The following USP34 variants were observed in gnomAD, a reference collection of about 807,000 sequenced individuals.
USP34 encodes the protein ubiquitin carboxyl-terminal hydrolase 34.
In USP34, 70 loss-of-function variants were observed where a neutral mutation model predicts 460.3. The ratio of observed to expected loss-of-function variants is 0.15; its 90% CI spans 0.13 to 0.19. The LOEUF is 0.19. Ranked by LOEUF, USP34 falls within the 10% of genes least tolerant of loss-of-function variation. The pLI is 1.00. For synonymous variants in USP34, 1,647 were observed against 1,405.3 expected, an observed-to-expected ratio of 1.17 and a Z score of -3.85; for missense variants, 3,985 against 4,236.2, an observed-to-expected ratio of 0.94 and a Z score of 1.65.
chr2:61,273,087 C>CA (rs1689264120), intron 41 of USP34, among the ~76,000 whole-genome samples: 2 of 152,212 alleles, frequency 1.3e-5, no homozygotes, highest in South Asian at 4.1e-4. Flanking sequence ...AGTTAAAAAA[C>CA]ATAAGCAATG....
At chr2:61,257,876 A>T (rs965272983) in intron 44 of USP34, among the ~76,000 whole-genome samples, 3 of 152,208 alleles carry the variant, frequency 2.0e-5, no homozygotes, top group Non-Finnish European at 4.4e-5. Flanking sequence ...CATCTCCAAA[A>T]AAATCAAAAC....
At position 61,188,431 on chromosome 2, in the gene USP34, G is replaced by T. The variant is rs1248463095; in HGVS notation, c.10312C>A (p.Gln3438Lys). Residue 3438 changes from glutamine (Q) to lysine (K), a missense_variant, in exon 80 of 80, where the codon CAG becomes AAG. Around this residue, in one of 14 missense-constraint regions of USP34, gnomAD observed 506 missense variants for 439.0 expected, o/e 1.15. Transcript: ENST00000398571. ...TCGTCATATCTACCATTGTTGGACT[G>T]TTCTTCTGCATGCTGTGACCTGATA... ...SNIRSQHAEEQSNNGRYDDCK... is the reference protein window; with the variant it reads ...SNIRSQHAEEKSNNGRYDDCK... 1 of 1,614,054 alleles carries T rather than the reference G, an allele frequency of 6.2e-7. No individual in the cohort carries two copies. Among genetic ancestry groups the T allele is most frequent in the Non-Finnish European group, 8.5e-7 (1 of 1,180,040 alleles).
intron 1 of USP34, among the ~76,000 whole-genome samples, chr2:61,434,662 T>G (rs1694764284): frequency 6.6e-6 from 1 of 151,970 alleles, no homozygotes; most frequent in South Asian, 2.1e-4. Flanking sequence ...ATGAAGAAAC[T>G]ACATTACTGT....
intron 10 of USP34, among the ~76,000 whole-genome samples, chr2:61,365,441 A>G (rs2103823317): frequency 6.6e-6 from 1 of 152,270 alleles, no homozygotes; most frequent in South Asian, 2.1e-4. Context: ...ACATGAGAGA[A>G]AAACCTTGCC....
Position 61,360,741 on chromosome 2 carries a change from C to T in USP34, c.1251+9580G>A, listed in dbSNP as rs796270014. On this transcript the variant is annotated intron_variant, in intron 10 of 79. Coordinates refer to ENST00000398571, the MANE Select transcript of USP34 (RefSeq NM_014709.4). ...GCACCATCTTGGCTCATTGCAGCCT[C>T]GACGTCCTGGGCTCAAGCAATCCTC... 2.0e-4 allele frequency among the ~76,000 whole-genome samples: 31 copies of T among 152,278 alleles called. 1 individual carries two copies. Among genetic ancestry groups the T allele is most frequent in the African/African-American group, 7.2e-4 (30 of 41,552 alleles).
At chr2:61,213,711 C>CT (rs1687330016) in intron 68 of USP34, among the ~76,000 whole-genome samples, 2 of 152,172 alleles carry the variant, frequency 1.3e-5, no homozygotes, top group African/African-American at 4.8e-5. Flanking sequence ...TGCTAAGTAT[C>CT]TGATTTTTAA....
intron 10 of USP34, among the ~76,000 whole-genome samples, chr2:61,364,763 T>C (rs1692379729): frequency 6.6e-6 from 1 of 151,852 alleles, no homozygotes; most frequent in Non-Finnish European, 1.5e-5. Context: ...ACCTCGTCAC[T>C]ATTAAAAATA....
intron 21 of USP34, among the ~76,000 whole-genome samples, chr2:61,321,313 A>G (rs1012460890): frequency 2.0e-5 from 3 of 152,166 alleles, no homozygotes; most frequent in African/African-American, 7.2e-5. Flanking sequence ...TCTACTAAAA[A>G]TACAAAAATT....
intron 66 of USP34, 144 bp from the exon 67 acceptor site, chr2:61,220,601 C>G: frequency 1.3e-6 from 1 of 777,050 alleles, no homozygotes; most frequent in Non-Finnish European, 1.8e-6. Flanking sequence ...CTATTTTTTT[C>G]CCATTTTTAA....
chr2:61,449,637 G>A (rs771614321), intron 1 of USP34, among the ~76,000 whole-genome samples: 5 of 151,892 alleles, frequency 3.3e-5, no homozygotes, highest in Admixed American at 6.6e-5. Flanking sequence ...CAATGAAACA[G>A]AATACAGAGT....
At chr2:61,294,472 G>A (rs1411299879) in intron 32 of USP34, among the ~76,000 whole-genome samples, 2 of 152,102 alleles carry the variant, frequency 1.3e-5, no homozygotes, top group Non-Finnish European at 2.9e-5. Context: ...AGGCTGGAGT[G>A]CTGTGGTGCG....
chr2:61,452,928 C>T (rs1482037751), intron 1 of USP34, among the ~76,000 whole-genome samples: 1 of 129,166 alleles, frequency 7.7e-6, no homozygotes, highest in Admixed American at 7.8e-5. Context: ...AAAAAAAAAA[C>T]ACCCACAACT....
In USP34 at chr2:61,313,109, T is replaced by A. The variant is rs779212837; in HGVS notation, c.3543-1199A>T. 3.9e-5 allele frequency among the ~76,000 whole-genome samples: 6 copies of A among 152,312 alleles called. No individual in the cohort carries two copies. The South Asian group carries it at 1.2e-3, about 32-fold the overall frequency. ...TTAAACTACTGCTTAGTTTTGTGAC[T>A]CTTCAATTTTATCCATATCCTAGTT... On this transcript the variant is annotated intron_variant, in intron 25 of 79. Coordinates refer to ENST00000398571, the MANE Select transcript of USP34 (RefSeq NM_014709.4).
intron 10 of USP34, among the ~76,000 whole-genome samples, chr2:61,362,054 T>A (rs926061693): frequency 1.3e-5 from 2 of 151,976 alleles, no homozygotes; most frequent in Non-Finnish European, 2.9e-5. Flanking sequence ...AAATAGCCAA[T>A]AGGTATAAAA....
At chr2:61,362,458 C>T (rs1243067886) in intron 10 of USP34, among the ~76,000 whole-genome samples, 3 of 152,240 alleles carry the variant, frequency 2.0e-5, no homozygotes, top group East Asian at 1.9e-4. Flanking sequence ...TATACATACA[C>T]ACATAGGGAT....
At chr2:61,377,957 T>C (rs1170551938) in intron 8 of USP34, among the ~76,000 whole-genome samples, 1 of 152,238 alleles carries the variant, frequency 6.6e-6, no homozygotes, top group Non-Finnish European at 1.5e-5. Context: ...GGCAAGTGGA[T>C]GGCTTGAGTC....
intron 41 of USP34, among the ~76,000 whole-genome samples, chr2:61,272,540 A>T (rs1165571438): frequency 2.6e-5 from 4 of 151,998 alleles, no homozygotes; most frequent in Non-Finnish European, 4.4e-5. Flanking sequence ...ACTTTTCACC[A>T]TTGTCCCTCT....
At chr2:61,422,578 T>C (rs1694394189) in intron 1 of USP34, among the ~76,000 whole-genome samples, 1 of 152,222 alleles carries the variant, frequency 6.6e-6, no homozygotes, top group South Asian at 2.1e-4. Flanking sequence ...GATAAGGTGG[T>C]CACTTTCACA....
At chr2:61,337,752 G>A (rs62149703) in intron 18 of USP34, among the ~76,000 whole-genome samples, 15,198 of 152,054 alleles carry the variant, frequency 0.1, 1,002 homozygotes, top group East Asian at 0.26. Flanking sequence ...TACTGCGCCC[G>A]GCCTAGTTAT....
Sources: allele counts gnomAD v4.1 joint callset (sites outside exome capture counted in the v4.1 genomes callset), GRCh38; gene constraint gnomAD v4.1.1; regional missense constraint gnomAD v4.1.1; transcripts MANE v1.5; gene names NCBI Gene and HGNC (gene_info 2026-07-23, HGNC 2026-07-21).